TMPRSS15: variants seen among roughly 807,000 people sequenced by gnomAD.
TMPRSS15 encodes enteropeptidase.
TMPRSS15 carries 128 observed loss-of-function variants against 125.3 expected under a neutral mutation model. The observed-to-expected ratio is 1.02, with a 90% CI of 0.89 to 1.18. TMPRSS15 has a LOEUF of 1.18. Among genes scored for constraint, TMPRSS15 ranks in the 50% most tolerant of loss-of-function variants. TMPRSS15 has a pLI of 0.00. For missense variants in TMPRSS15, 1,283 were observed against 1,212.7 expected (o/e 1.06, Z -0.86); for synonymous variants, 446 against 423.2 (o/e 1.05, Z -0.66).
At chr21:18,456,455 C>G (rs1978442920) in intron 1 of TMPRSS15, among the ~76,000 whole-genome samples, 1 of 152,076 alleles carries the variant, frequency 6.6e-6, no homozygotes, top group African/African-American at 2.4e-5. Context: ...CTTATTTTGC[C>G]AGTTACATTT....
chr21:18,374,980 A>G (rs553317880), intron 5 of TMPRSS15, among the ~76,000 whole-genome samples: 2 of 152,350 alleles, frequency 1.3e-5, no homozygotes, highest in African/African-American at 4.8e-5. Context: ...ATTAGTCGCA[A>G]TAGTGATTAT....
In TMPRSS15 at chr21:18,465,095, G is replaced by T. The variant is rs2122955195; in HGVS notation, c.10+20704C>A. 9.1e-4 allele frequency among the ~76,000 whole-genome samples: 139 copies of T among 152,240 alleles called. 2 individuals are homozygous for T. The highest frequency in any genetic ancestry group is 3.1e-3 in the African/African-American group (128 of 41,534). On this transcript the variant is annotated intron_variant, in intron 1 of 7. Transcript: ENST00000422787. ...TTCGGCTTCATCCCTGGGATGCAAG[G>T]CTGGTTCAACATACACAAATCAATA...
intron 1 of TMPRSS15, among the ~76,000 whole-genome samples, chr21:18,432,415 A>C (rs1283518533): frequency 6.6e-6 from 1 of 152,152 alleles, no homozygotes; most frequent in African/African-American, 2.4e-5. Context: ...TTGAAGTCCT[A>C]AATCTCAGTA....
rs527449309 is a variant in TMPRSS15, at chr21:18,339,471, T to A, written c.1564+1942A>T. Among the ~76,000 whole-genome samples the A allele has an allele frequency of 3.3e-5, 5 of 152,296 alleles. No homozygotes were observed. In the East Asian group the frequency reaches 9.7e-4, roughly 29 times the overall value. On this transcript the variant is annotated intron_variant, in intron 13 of 24. Transcript: ENST00000284885. ...GATTGGAAGCAGAAAAAGATATAGTTTTGGAAGTAAACCAAATTTGGATAG... is the reference window on the plus strand; with the variant it reads ...GATTGGAAGCAGAAAAAGATATAGTATTGGAAGTAAACCAAATTTGGATAG...
intron 5 of TMPRSS15, among the ~76,000 whole-genome samples, chr21:18,376,652 A>G (rs1270085521): frequency 6.6e-6 from 1 of 152,170 alleles, no homozygotes; most frequent in Admixed American, 6.5e-5. Flanking sequence ...GGACTAGAAC[A>G]AGCTGTAGTG....
In TMPRSS15 at chr21:18,403,678, AC is replaced by A. The variant is rs972321961; in HGVS notation, c.-57del. The A allele has an allele frequency of 8.7e-6, 14 of 1,608,384 alleles. No individual in the cohort carries two copies. The African/African-American group carries it at 1.7e-4, about 20-fold the overall frequency. On this transcript the variant is annotated 5_prime_UTR_variant, in exon 1 of 25. Transcript: ENST00000284885. Reference sequence around the variant, plus strand: ...ACTGAAAGAGAATATAAATAATTCTACCAACTGAAGAGAAAAATCTCTCAAA... The same window carrying A: ...ACTGAAAGAGAATATAAATAATTCTACAACTGAAGAGAAAAATCTCTCAAA...
intron 12 of TMPRSS15, among the ~76,000 whole-genome samples, chr21:18,342,996 A>G (rs1031910956): frequency 4.6e-5 from 7 of 152,186 alleles, no homozygotes; most frequent in African/African-American, 1.7e-4. Flanking sequence ...AAATTAATTC[A>G]CCTTAATGTG....
chr21:18,345,764 C>T (rs189735216), intron 10 of TMPRSS15, among the ~76,000 whole-genome samples: 77 of 57,834 alleles, frequency 1.3e-3, no homozygotes, highest in Non-Finnish European at 2.9e-3. Context: ...AAAAAAAAAT[C>T]CACTGAATAT....
At chr21:18,396,773 CAA>C (rs766409350) in intron 3 of TMPRSS15, among the ~76,000 whole-genome samples, 7 of 47,784 alleles carry the variant, frequency 1.5e-4, no homozygotes, top group African/African-American at 1.6e-4. Flanking sequence ...GACTCTGTCT[CAA>C]AAAAAAAAAA....
chr21:18,389,887 T>C (rs994957592), intron 3 of TMPRSS15, among the ~76,000 whole-genome samples: 1 of 152,194 alleles, frequency 6.6e-6, no homozygotes, highest in African/African-American at 2.4e-5. Flanking sequence ...ACCTGAGATG[T>C]GAGACTAACC....
At chr21:18,352,548 C>T (rs143150252) in intron 10 of TMPRSS15, among the ~76,000 whole-genome samples, 95 of 151,994 alleles carry the variant, frequency 6.3e-4, no homozygotes, top group Non-Finnish European at 1.2e-3. Flanking sequence ...AATCAGAAAA[C>T]GAAATTAAGA....
chr21:18,443,676 A>G (rs931319229), intron 1 of TMPRSS15, among the ~76,000 whole-genome samples: 4 of 152,184 alleles, frequency 2.6e-5, no homozygotes, highest in Non-Finnish European at 4.4e-5. Context: ...CTTGCTAGAC[A>G]AGGCTCAGTG....
chr21:18,373,458 A>T (rs949135355), intron 5 of TMPRSS15, among the ~76,000 whole-genome samples: 4 of 152,190 alleles, frequency 2.6e-5, no homozygotes, highest in African/African-American at 7.2e-5. Flanking sequence ...ATAATAATAA[A>T]AATATTATTT....
At chr21:18,424,348 AG>A (rs1312532287) in intron 1 of TMPRSS15, among the ~76,000 whole-genome samples, 1 of 152,186 alleles carries the variant, frequency 6.6e-6, no homozygotes, top group East Asian at 1.9e-4. Context: ...TGTCTAGTAA[AG>A]CTCTCAGCCC....
intron 10 of TMPRSS15, among the ~76,000 whole-genome samples, chr21:18,350,504 T>C (rs751971208): frequency 6.6e-6 from 1 of 152,122 alleles, no homozygotes; most frequent in Non-Finnish European, 1.5e-5. Context: ...TTTTCAACAC[T>C]CTTGCCCTCG....
intron 8 of TMPRSS15, among the ~76,000 whole-genome samples, chr21:18,355,141 T>C (rs2075612179): frequency 6.6e-6 from 1 of 151,944 alleles, no homozygotes; most frequent in African/African-American, 2.4e-5. Context: ...GTAATTTTAA[T>C]ACTTCTCATA....
intron 12 of TMPRSS15, among the ~76,000 whole-genome samples, chr21:18,343,268 T>C (rs1325198987): frequency 6.6e-6 from 1 of 152,236 alleles, no homozygotes; most frequent in East Asian, 1.9e-4. Flanking sequence ...ATGTATTTTA[T>C]GGACCATTAT....
intron 19 of TMPRSS15, among the ~76,000 whole-genome samples, chr21:18,297,037 T>C (rs914783081): frequency 6.6e-6 from 1 of 152,212 alleles, no homozygotes; most frequent in Non-Finnish European, 1.5e-5. Context: ...TGCAGTTACA[T>C]TCTTCCCACC....
intron 18 of TMPRSS15, among the ~76,000 whole-genome samples, chr21:18,304,863 C>G (rs1053382483): frequency 6.6e-6 from 1 of 152,196 alleles, no homozygotes; most frequent in South Asian, 2.1e-4. Flanking sequence ...TAAAAATACT[C>G]TTTTTTGTGT....
Sources: gnomAD v4.1 joint callset for allele counts (sites outside exome capture counted in the v4.1 genomes callset) on GRCh38, gnomAD v4.1.1 for gene constraint, MANE v1.5 for transcripts, NCBI Gene and HGNC (gene_info 2026-07-23, HGNC 2026-07-21) for gene names.